GREB1: variants seen among roughly 807,000 people sequenced by gnomAD.
GREB1 encodes the protein growth regulating estrogen receptor binding 1, also known as protein GREB1.
A neutral mutation model predicts 200.7 loss-of-function variants in GREB1; 106 were observed. The observed-to-expected ratio is 0.53, with a 90% confidence interval of 0.45 to 0.62. GREB1 has a LOEUF of 0.62. Ranked by LOEUF, GREB1 falls within the 20% of genes least tolerant of loss-of-function variation. GREB1 has a pLI of 0.00. For synonymous variants in GREB1, 1,132 were observed against 1,092.4 expected (o/e 1.04, Z -0.72); for missense variants, 2,243 against 2,556.8 (o/e 0.88, Z 2.65).
chr2:11,539,472 A>G (rs1020422444), intron 1 of GREB1, among the ~76,000 whole-genome samples: 1 of 152,180 alleles, frequency 6.6e-6, no homozygotes, highest in Admixed American at 6.5e-5. Flanking sequence ...TATGTGGCTT[A>G]GGTCCACGCT....
rs1491429984 is a variant in GREB1, at chr2:11,500,458, CAT to C, written c.-159+18078_-159+18079del. Among the ~76,000 whole-genome samples, 20 of 37,540 alleles carry C rather than the reference CAT, an allele frequency of 5.3e-4. No homozygotes were observed. In the East Asian group the frequency reaches 0.011, roughly 20 times the overall value. The allele number at this position is 37,540 out of a possible 152,430, so 24.6% of individuals were successfully genotyped here. A position where few individuals can be genotyped will look rare whatever the true frequency, so the allele number is the denominator to read the frequency against. ...ACCGGCGTAAGCCACTGTGCCTGGCCATTTTTTTTTTTTTTTTTGATTTTTAA... is the reference window on the plus strand; with the variant it reads ...ACCGGCGTAAGCCACTGTGCCTGGCCTTTTTTTTTTTTTTTTGATTTTTAA... On this transcript the variant is annotated intron_variant, in intron 1 of 2. Transcript: ENST00000628795.
intron 1 of GREB1, among the ~76,000 whole-genome samples, chr2:11,523,570 C>A (rs539646865): frequency 6.6e-6 from 1 of 152,256 alleles, no homozygotes; most frequent in East Asian, 1.9e-4. Context: ...CTGTCCTCGA[C>A]ACAGAGATCT....
At chr2:11,521,344 A>G (rs961789375) in intron 1 of GREB1, among the ~76,000 whole-genome samples, 7 of 151,652 alleles carry the variant, frequency 4.6e-5, no homozygotes, top group Non-Finnish European at 7.4e-5. Flanking sequence ...TCCTGGGCCC[A>G]AGCAATTGGC....
intron 17 of GREB1, among the ~76,000 whole-genome samples, chr2:11,607,885 C>A (rs1682553622): frequency 6.6e-6 from 1 of 152,068 alleles, no homozygotes; most frequent in African/African-American, 2.4e-5. Flanking sequence ...AGCAGAGATA[C>A]CTAACAACTT....
At chr2:11,637,215 A>G (rs894269910) in intron 30 of GREB1, among the ~76,000 whole-genome samples, 2 of 152,138 alleles carry the variant, frequency 1.3e-5, no homozygotes, top group African/African-American at 4.8e-5. Flanking sequence ...CTTCCCAGCT[A>G]TGGGAAAGTT....
intron 9 of GREB1, among the ~76,000 whole-genome samples, chr2:11,587,183 T>C (rs1179920315): frequency 6.6e-6 from 1 of 152,088 alleles, no homozygotes; most frequent in Non-Finnish European, 1.5e-5. Flanking sequence ...AAAGCCCTCG[T>C]CTCCCGGACT....
At chr2:11,562,304 T>C (rs1195500872) in intron 2 of GREB1, among the ~76,000 whole-genome samples, 159 bp from the exon 3 acceptor site, 1 of 152,238 alleles carries the variant, frequency 6.6e-6, no homozygotes, top group Non-Finnish European at 1.5e-5. Flanking sequence ...TAGCTAGACG[T>C]GCTGAGTGCT....
chr2:11,490,241 G>A (rs779771443), intron 1 of GREB1, among the ~76,000 whole-genome samples: 14 of 152,050 alleles, frequency 9.2e-5, no homozygotes, highest in African/African-American at 2.7e-4. Flanking sequence ...TGACCACCAC[G>A]ACTCTGCCTT....
At chr2:11,589,721 A>T (rs114342234) in intron 10 of GREB1, among the ~76,000 whole-genome samples, 2 of 152,230 alleles carry the variant, frequency 1.3e-5, no homozygotes, top group African/African-American at 4.8e-5. Flanking sequence ...AAAGGCACAC[A>T]GTGGCTTGAG....
chr2:11,608,943 G>A (rs891583051), intron 17 of GREB1, among the ~76,000 whole-genome samples: 1 of 152,218 alleles, frequency 6.6e-6, no homozygotes, highest in African/African-American at 2.4e-5. Flanking sequence ...CTCAACTCAG[G>A]GAGACCACCG....
At chr2:11,616,794 A>G (rs1683445616) in intron 21 of GREB1, 74 bp downstream of exon 21, 8 of 856,870 alleles carry the variant, frequency 9.3e-6, no homozygotes, top group Admixed American at 5.8e-5. Flanking sequence ...AAAGAAACCT[A>G]TAGAGGGCTA....
rs1466060128 is a variant in GREB1 at position 11,634,218 on chromosome 2, G to A, written c.5079G>A (p.Leu1693=). The A allele has an allele frequency of 1.2e-5, 19 of 1,614,090 alleles. No homozygotes were observed. The highest frequency in any genetic ancestry group is 1.6e-5 in the Non-Finnish European group (19 of 1,180,034). ...EAAPDIMHYA[L]LGLRKWSSKT... ...CCCCCGACATCATGCACTACGCCCT[G>A]CTGGGCCTGCGGAAGTGGTCCAGCA... Residue 1693 remains leucine, a synonymous_variant, in exon 29 of 33, where the codon CTG becomes CTA. Transcript: ENST00000381486.
rs1558645659 is a variant in GREB1, at chr2:11,618,541, G to A, written c.3666G>A (p.Leu1222=). Residue 1222 remains leucine, a synonymous_variant, in exon 22 of 33, where the codon CTG becomes CTA. Transcript: ENST00000381486. ...QVSVTSSCSQ[L]SSSSGSSSSS... ...CGGTCACCTCGTCGTGCTCCCAGCT[G>A]TCCTCCTCCTCGGGCTCATCCTCCT... is the stretch of plus-strand genomic sequence containing the variant. 4 of 1,612,674 alleles carry A rather than the reference G, an allele frequency of 2.5e-6. No homozygotes were observed. The highest frequency in any genetic ancestry group is 1.7e-5 in the Admixed American group (1 of 59,972).
At chr2:11,547,621 T>G (rs944097112) in intron 1 of GREB1, among the ~76,000 whole-genome samples, 5 of 152,204 alleles carry the variant, frequency 3.3e-5, no homozygotes, top group African/African-American at 4.8e-5. Context: ...AGTCTAAAAG[T>G]TAAATTATAA....
At chr2:11,542,383 G>A (rs1249448778) in intron 1 of GREB1, among the ~76,000 whole-genome samples, 1 of 152,094 alleles carries the variant, frequency 6.6e-6, no homozygotes, top group Non-Finnish European at 1.5e-5. Flanking sequence ...GGTGGTGGTC[G>A]AGTAGGATCT....
intron 1 of GREB1, among the ~76,000 whole-genome samples, chr2:11,483,690 GT>G (rs1558476329): frequency 6.6e-3 from 14 of 2,122 alleles, no homozygotes; most frequent in East Asian, 0.029. Context: ...AAGAAGGGGT[GT>G]GTGTGTGTGT....
In GREB1 at chr2:11,615,196, T is replaced by A; in HGVS notation, c.3228T>A (p.Val1076=). 6.2e-7 allele frequency: 1 copy of A among 1,614,084 alleles called. No homozygotes were observed. Among genetic ancestry groups the A allele is most frequent in the Non-Finnish European group, 8.5e-7 (1 of 1,179,956 alleles). Residue 1076 remains valine, a synonymous_variant, in exon 20 of 33, where the codon GTT becomes GTA. Transcript: ENST00000381486. ...GLAAYFVSNE[V]PLEKGARNEA... Reference sequence around the variant, plus strand: ...CTGCCTACTTTGTGAGCAACGAGGTTCCCTTGGAGAAGGGGGCTAGGAACG... The same window carrying A: ...CTGCCTACTTTGTGAGCAACGAGGTACCCTTGGAGAAGGGGGCTAGGAACG...
intron 21 of GREB1, among the ~76,000 whole-genome samples, 160 bp from the exon 22 acceptor site, chr2:11,618,112 GGACGAGTCGCCCCTGA>G (rs1350532053): frequency 7.9e-5 from 12 of 152,232 alleles, no homozygotes; most frequent in Non-Finnish European, 1.0e-4. Context: ...CTCACTCCTG[GGACGAGTCGCCCCTGA>G]GATGGGCCAC....
chr2:11,587,773 G>A, intron 9 of GREB1: 11 of 1,112,002 alleles, frequency 9.9e-6, no homozygotes, highest in Non-Finnish European at 1.2e-5. Context: ...AGCCCCGAGA[G>A]GATTTGATAG....
Sources: allele counts gnomAD v4.1 joint callset (sites outside exome capture counted in the v4.1 genomes callset), GRCh38; gene constraint gnomAD v4.1.1; transcripts MANE v1.5; gene names NCBI Gene and HGNC (gene_info 2026-07-23, HGNC 2026-07-21).